FRMD4A: variants seen among roughly 807,000 people sequenced by gnomAD.
FRMD4A encodes FERM domain containing 4A, also known as FERM domain-containing protein 4A.
FRMD4A carries 29 observed loss-of-function variants against 129.1 expected under a neutral mutation model. That is an observed-to-expected ratio of 0.22 (90% CI 0.17 to 0.31). The LOEUF is 0.31. Among genes scored for constraint, FRMD4A ranks in the 10% least tolerant of loss-of-function variants. The pLI is 1.00. For synonymous variants in FRMD4A, 634 were observed against 571.6 expected (o/e 1.11, Z -1.56); for missense variants, 1,272 against 1,375.8 (o/e 0.92, Z 1.19).
At chr10:14,174,554 A>ATTCATTCG (rs1554776907) in intron 2 of FRMD4A, among the ~76,000 whole-genome samples, 1 of 151,386 alleles carries the variant, frequency 6.6e-6, no homozygotes, top group Non-Finnish European at 1.5e-5. Context: ...TCATTCATTC[A>ATTCATTCG]TTCATTCATT....
At chr10:13,903,624 C>A (rs1428074145) in intron 2 of FRMD4A, among the ~76,000 whole-genome samples, 1 of 151,818 alleles carries the variant, frequency 6.6e-6, no homozygotes, top group African/African-American at 2.4e-5. Flanking sequence ...GTAGTCCCAG[C>A]TACTCAGGAG....
intron 3 of FRMD4A, among the ~76,000 whole-genome samples, chr10:13,853,009 T>C (rs992763677): frequency 7.9e-5 from 12 of 152,174 alleles, no homozygotes; most frequent in Admixed American, 6.5e-5. Context: ...CTTGGAATCA[T>C]AGGGACGCTT....
intron 2 of FRMD4A, among the ~76,000 whole-genome samples, chr10:13,873,200 A>G (rs2094456661): frequency 6.6e-6 from 1 of 151,868 alleles, no homozygotes; most frequent in Non-Finnish European, 1.5e-5. Flanking sequence ...TAAAATAAAA[A>G]AATAAAAGAA....
chr10:13,687,984 C>T (rs1327338284), intron 15 of FRMD4A, among the ~76,000 whole-genome samples: 2 of 152,174 alleles, frequency 1.3e-5, no homozygotes. Context: ...TCACAGGGGA[C>T]AGCTCTGCGT....
At chr10:13,852,375 C>T (rs2094151685) in intron 3 of FRMD4A, among the ~76,000 whole-genome samples, 1 of 151,996 alleles carries the variant, frequency 6.6e-6, no homozygotes. Context: ...TCCCGAGTAG[C>T]TGGGACTACA....
At chr10:14,256,124 T>C (rs1302055417) in intron 2 of FRMD4A, among the ~76,000 whole-genome samples, 3 of 152,144 alleles carry the variant, frequency 2.0e-5, no homozygotes, top group African/African-American at 7.2e-5. Context: ...AAAACATTTA[T>C]GTTCCTATCT....
chr10:14,054,611 C>T (rs964740576), intron 2 of FRMD4A, among the ~76,000 whole-genome samples: 3 of 152,178 alleles, frequency 2.0e-5, no homozygotes, highest in Admixed American at 6.5e-5. Context: ...AGTCCACGCA[C>T]ACCCAGCACC....
chr10:14,118,593 A>G (rs1297478695), intron 2 of FRMD4A, among the ~76,000 whole-genome samples: 1 of 152,152 alleles, frequency 6.6e-6, no homozygotes, highest in Non-Finnish European at 1.5e-5. Flanking sequence ...AAGAGGTTTA[A>G]TGGACTCACA....
At chr10:14,231,443 C>T (rs1843636151) in intron 2 of FRMD4A, among the ~76,000 whole-genome samples, 1 of 151,734 alleles carries the variant, frequency 6.6e-6, no homozygotes, top group Admixed American at 6.6e-5. Context: ...CCCGGGTTCA[C>T]ACCCTTCTCC....
chr10:13,703,820 C>T (rs79549699), intron 13 of FRMD4A, among the ~76,000 whole-genome samples: 63 of 152,292 alleles, frequency 4.1e-4, no homozygotes, highest in African/African-American at 1.4e-3. Context: ...TCCTGGCCAA[C>T]GTGATGAAAT....
In FRMD4A at chr10:14,127,977, TC is replaced by T. The variant is rs869111305; in HGVS notation, c.45+202080del. On this transcript the variant is annotated intron_variant, in intron 2 of 24. Coordinates refer to ENST00000357447, the MANE Select transcript of FRMD4A (RefSeq NM_018027.5). Reference sequence around the variant, plus strand: ...TTCTTTCTTTCTTTCTTTCTTTCTTTCCTTCTCTCTCTCTCTCTCTCTCTTT... The same window carrying T: ...TTCTTTCTTTCTTTCTTTCTTTCTTTCTTCTCTCTCTCTCTCTCTCTCTTT... Among the ~76,000 whole-genome samples, 156 of 18,974 alleles carry T rather than the reference TC, an allele frequency of 8.2e-3. 6 individuals carry two copies. Among genetic ancestry groups the T allele is most frequent in the Middle Eastern group, 0.033 (1 of 30 alleles). 12.4% of individuals were successfully genotyped at this position (18,974 alleles called of 152,430 possible).
intron 12 of FRMD4A, among the ~76,000 whole-genome samples, chr10:13,726,502 T>C (rs2089905402): frequency 6.6e-6 from 1 of 152,206 alleles, no homozygotes; most frequent in Non-Finnish European, 1.5e-5. Flanking sequence ...GTTAACTGCC[T>C]GTATGCAGAG....
chr10:13,978,643 G>T (rs1028568487), intron 2 of FRMD4A, among the ~76,000 whole-genome samples: 1 of 152,028 alleles, frequency 6.6e-6, no homozygotes, highest in Non-Finnish European at 1.5e-5. Context: ...TCCCATATTT[G>T]GGTCTGGAAA....
At chr10:14,246,382 T>TACAC (rs72276961) in intron 2 of FRMD4A, among the ~76,000 whole-genome samples, 2 of 150,968 alleles carry the variant, frequency 1.3e-5, no homozygotes, top group African/African-American at 4.9e-5. Flanking sequence ...AAAACACACA[T>TACAC]ACACACACAC....
chr10:13,981,738 CAAA>C (rs55829400), intron 2 of FRMD4A, among the ~76,000 whole-genome samples: 4 of 97,670 alleles, frequency 4.1e-5, no homozygotes, highest in African/African-American at 1.2e-4. Flanking sequence ...GACTCCGTGT[CAAA>C]AAAAAAAAAA....
chr10:13,796,646 G>A, intron 4 of FRMD4A, 58 bp from the exon 5 acceptor site: 1 of 863,678 alleles, frequency 1.2e-6, no homozygotes, highest in Admixed American at 1.7e-5. Context: ...GTTTTTTTGG[G>A]GTTGAAGGTA....
At chr10:14,054,046 T>G (rs1834389447) in intron 2 of FRMD4A, among the ~76,000 whole-genome samples, 1 of 151,538 alleles carries the variant, frequency 6.6e-6, no homozygotes, top group Non-Finnish European at 1.5e-5. Flanking sequence ...GTACCTGCAG[T>G]TTTAGCTACT....
chr10:13,878,822 G>GGGAGGGAA (rs1554953625), intron 2 of FRMD4A, among the ~76,000 whole-genome samples: 12 of 140,870 alleles, frequency 8.5e-5, no homozygotes, highest in South Asian at 2.4e-4. Flanking sequence ...GAGGGAGGGA[G>GGGAGGGAA]GGAAGGAAGG....
At chr10:14,167,043 T>C (rs1197145247) in intron 2 of FRMD4A, among the ~76,000 whole-genome samples, 2 of 152,176 alleles carry the variant, frequency 1.3e-5, no homozygotes, top group Non-Finnish European at 2.9e-5. Context: ...AGGGTGATGA[T>C]AGTTAACATG....
Sources: gnomAD v4.1 joint callset for allele counts (sites outside exome capture counted in the v4.1 genomes callset) on GRCh38, gnomAD v4.1.1 for gene constraint, MANE v1.5 for transcripts, NCBI Gene and HGNC (gene_info 2026-07-23, HGNC 2026-07-21) for gene names.